The following PDCD6IP variants were observed in gnomAD, a reference collection of about 807,000 sequenced individuals.
PDCD6IP encodes programmed cell death 6-interacting protein.
A neutral mutation model predicts 103.7 loss-of-function variants in PDCD6IP; 43 were observed. The observed-to-expected ratio is 0.41, with a 90% CI of 0.32 to 0.53. PDCD6IP has a LOEUF of 0.53. Among genes scored for constraint, PDCD6IP ranks in the 20% least tolerant of loss-of-function variants. The pLI is 0.16. For missense variants in PDCD6IP, 871 were observed against 1,036.7 expected, an observed-to-expected ratio of 0.84 and a Z score of 2.20; for synonymous variants, 354 against 378.7, an observed-to-expected ratio of 0.93 and a Z score of 0.76.
intron 15 of PDCD6IP, 175 bp downstream of exon 15, chr3:33,855,435 A>T: frequency 4.6e-6 from 2 of 434,786 alleles, no homozygotes; most frequent in Non-Finnish European, 8.3e-6. Flanking sequence ...TAATCTGGGA[A>T]TGAAAGGATG....
At chr3:33,828,633 A>C (rs887793596) in intron 6 of PDCD6IP, 1 of 332,738 alleles carries the variant, frequency 3.0e-6, no homozygotes, top group Non-Finnish European at 5.5e-6. Context: ...GTTAAAAAAA[A>C]CCCCTTCAAT....
chr3:33,800,641 A>T (rs944281627), intron 1 of PDCD6IP, among the ~76,000 whole-genome samples: 1 of 152,214 alleles, frequency 6.6e-6, no homozygotes, highest in Admixed American at 6.5e-5. Flanking sequence ...ACCTAGAAAT[A>T]CTTAGCCATT....
chr3:33,851,945 A>G (rs1392399406), intron 12 of PDCD6IP, among the ~76,000 whole-genome samples: 2 of 152,040 alleles, frequency 1.3e-5, no homozygotes, highest in Non-Finnish European at 2.9e-5. Context: ...TATCTCTCTC[A>G]GTCTCTCTAG....
intron 3 of PDCD6IP, among the ~76,000 whole-genome samples, chr3:33,815,819 A>G (rs1401124597): frequency 6.6e-6 from 1 of 152,192 alleles, no homozygotes; most frequent in East Asian, 1.9e-4. Flanking sequence ...GGCATTTTGA[A>G]ATAAAGGATT....
rs570900263 is a variant in PDCD6IP, at chr3:33,856,633, TATG to T, written c.2120+1374_2120+1376del. ...TGAAGATTGTTGAAAGAGGATATCA[TATG>T]GTAGGGGAAAATGACAAGAACTGTC... On this transcript the variant is annotated intron_variant, in intron 15 of 17. Transcript: ENST00000307296. Among the ~76,000 whole-genome samples the T allele has an allele frequency of 1.3e-4, 20 of 151,998 alleles. 2 individuals carry two copies. The East Asian group carries it at 3.9e-3, about 29-fold the overall frequency.
chr3:33,831,408 T>C (rs1697242217), intron 7 of PDCD6IP, among the ~76,000 whole-genome samples: 1 of 152,168 alleles, frequency 6.6e-6, no homozygotes, highest in Non-Finnish European at 1.5e-5. Flanking sequence ...ATTGTCATTA[T>C]AGAATACTTG....
chr3:33,866,790 T>G lies in PDCD6IP; in HGVS notation c.*265T>G, dbSNP rs112852494. On this transcript the variant is annotated 3_prime_UTR_variant, in exon 18 of 18. Coordinates refer to ENST00000307296, the MANE Select transcript of PDCD6IP (RefSeq NM_013374.6). ...GTTCATAAAAATTGAAAATGAGAAA[T>G]TAAACCTGCAAGTGAAACATTTGAA... 10 of 325,058 alleles carry G rather than the reference T, an allele frequency of 3.1e-5. No individual in the cohort carries two copies. The highest frequency in any genetic ancestry group is 1.7e-4 in the African/African-American group (8 of 47,242). The allele number at this position is 325,058 out of a possible 1,614,324, so 20.1% of individuals were successfully genotyped here.
At chr3:33,819,734 A>AT (rs1322506643) in intron 3 of PDCD6IP, among the ~76,000 whole-genome samples, 3 of 152,240 alleles carry the variant, frequency 2.0e-5, no homozygotes, top group Non-Finnish European at 4.4e-5. Flanking sequence ...AAGGAGCCTT[A>AT]TTTTGCCTAG....
rs192864857 is a variant in PDCD6IP at position 33,838,080 on chromosome 3, A to G, written c.1058-124A>G. 9.2e-4 allele frequency: 778 copies of G among 847,496 alleles called. 1 individual carries two copies. Among genetic ancestry groups the G allele is most frequent in the Middle Eastern group, 4.5e-3 (13 of 2,874 alleles). The allele number at this position is 847,496 out of a possible 1,614,324, so 52.5% of individuals were successfully genotyped here. A position where few individuals can be genotyped will look rare whatever the true frequency, so the allele number is the denominator to read the frequency against. On this transcript the variant is annotated intron_variant, in intron 8 of 17. Coordinates refer to ENST00000307296, the MANE Select transcript of PDCD6IP (RefSeq NM_013374.6). Reference sequence around the variant, plus strand: ...AAATAGTGATTTAGTTTTGATCTTTAAATGTCAATAGACAATAAATATTTA... The same window carrying G: ...AAATAGTGATTTAGTTTTGATCTTTGAATGTCAATAGACAATAAATATTTA...
chr3:33,850,575 A>G (rs1027509006), intron 12 of PDCD6IP, among the ~76,000 whole-genome samples: 1 of 152,088 alleles, frequency 6.6e-6, no homozygotes, highest in Non-Finnish European at 1.5e-5. Flanking sequence ...TATACATATT[A>G]TGTATATGTA....
At chr3:33,802,440 C>T (rs1696496719) in intron 1 of PDCD6IP, among the ~76,000 whole-genome samples, 2 of 151,962 alleles carry the variant, frequency 1.3e-5, no homozygotes, top group South Asian at 2.1e-4. Flanking sequence ...CTTAGCAGTG[C>T]TTGATCTCCA....
chr3:33,803,173 T>TA (rs2125540433), intron 1 of PDCD6IP, among the ~76,000 whole-genome samples: 1 of 152,326 alleles, frequency 6.6e-6, no homozygotes, highest in African/African-American at 2.4e-5. Context: ...AGAAGGATGT[T>TA]TATTCAGATT....
In PDCD6IP at chr3:33,861,387, C is replaced by T. The variant is rs567654692; in HGVS notation, c.2121-2619C>T. On this transcript the variant is annotated intron_variant, in intron 15 of 17. Coordinates refer to ENST00000307296, the MANE Select transcript of PDCD6IP (RefSeq NM_013374.6). ...TGAACTCCTGACCTCCTGATCCACCCGCCTCGGCCTCCCAAAGTGCTGGGA... is the reference window on the plus strand; with the variant it reads ...TGAACTCCTGACCTCCTGATCCACCTGCCTCGGCCTCCCAAAGTGCTGGGA... Among the ~76,000 whole-genome samples, 216 of 152,210 alleles carry T rather than the reference C, an allele frequency of 1.4e-3. 1 individual carries two copies. Among genetic ancestry groups the T allele is most frequent in the South Asian group, 5.0e-3 (24 of 4,818 alleles).
chr3:33,814,860 A>G (rs1003453876), intron 3 of PDCD6IP, among the ~76,000 whole-genome samples: 5 of 145,436 alleles, frequency 3.4e-5, no homozygotes, highest in Non-Finnish European at 6.0e-5. Flanking sequence ...TCATATACAT[A>G]TATGTATATA....
At chr3:33,846,767 T>G (rs1199620426) in intron 12 of PDCD6IP, among the ~76,000 whole-genome samples, 1 of 152,220 alleles carries the variant, frequency 6.6e-6, no homozygotes, top group African/African-American at 2.4e-5. Context: ...ACAGACATGT[T>G]GAGAATGGCT....
chr3:33,858,377 T>A (rs529855061), intron 15 of PDCD6IP, among the ~76,000 whole-genome samples: 1 of 152,292 alleles, frequency 6.6e-6, no homozygotes, highest in African/African-American at 2.4e-5. Context: ...TCCCAGCTAC[T>A]TGGGAGATTG....
chr3:33,814,914 ATATT>A (rs2125548670), intron 3 of PDCD6IP, among the ~76,000 whole-genome samples: 1 of 146,448 alleles, frequency 6.8e-6, no homozygotes, highest in South Asian at 2.1e-4. Context: ...ATATATGTAT[ATATT>A]ATATATAAGA....
In PDCD6IP at chr3:33,822,089, T is replaced by C; in HGVS notation, c.462+7T>C. 1 of 1,613,378 alleles carries C rather than the reference T, an allele frequency of 6.2e-7. No homozygotes were observed. The highest frequency in any genetic ancestry group is 1.1e-5 in the South Asian group (1 of 90,862). On this transcript the variant is annotated splice_region_variant and intron_variant, in intron 4 of 17. Transcript: ENST00000307296. ...CGCTGCTAAACATTACCAGGTATGCTGAAAAGTAGTTACTACAATAATGGT... is the reference window on the plus strand; with the variant it reads ...CGCTGCTAAACATTACCAGGTATGCCGAAAAGTAGTTACTACAATAATGGT...
At chr3:33,809,257 A>G (rs1018537929) in intron 1 of PDCD6IP, among the ~76,000 whole-genome samples, 7 of 152,186 alleles carry the variant, frequency 4.6e-5, no homozygotes, top group African/African-American at 1.7e-4. Context: ...CTAAATTCTT[A>G]ATGTCCTAAA....
Sources: gnomAD v4.1 joint callset for allele counts (sites outside exome capture counted in the v4.1 genomes callset) on GRCh38, gnomAD v4.1.1 for gene constraint, MANE v1.5 for transcripts, NCBI Gene and HGNC (gene_info 2026-07-23, HGNC 2026-07-21) for gene names.